FAM124A: variants seen among roughly 807,000 people sequenced by gnomAD.
FAM124A encodes the protein protein FAM124A.
Under a neutral mutation model 24.5 loss-of-function variants are expected in FAM124A, and 23 were observed. The observed-to-expected ratio is 0.94, with a 90% CI of 0.68 to 1.33. FAM124A has a LOEUF of 1.33. Ranked by LOEUF, FAM124A falls within the 40% of genes most tolerant of loss-of-function variation. FAM124A has a pLI of 0.00. For missense variants in FAM124A, 623 were observed against 722.8 expected (o/e 0.86, Z 1.58); for synonymous variants, 287 against 314.7 (o/e 0.91, Z 0.93).
intron 3 of FAM124A, among the ~76,000 whole-genome samples, chr13:51,277,621 T>C (rs1593613252): frequency 6.6e-6 from 1 of 152,242 alleles, no homozygotes; most frequent in South Asian, 2.1e-4. Context: ...GGTGAAACCT[T>C]GTCTCTACTA....
intron 3 of FAM124A, among the ~76,000 whole-genome samples, chr13:51,273,759 T>C (rs1252980561): frequency 1.3e-5 from 2 of 152,250 alleles, no homozygotes; most frequent in Non-Finnish European, 2.9e-5. Context: ...ATGAGATTTT[T>C]AACCTAAGTT....
intron 3 of FAM124A, among the ~76,000 whole-genome samples, chr13:51,279,746 G>C (rs918764508): frequency 4.6e-5 from 7 of 152,204 alleles, no homozygotes; most frequent in African/African-American, 7.2e-5. Flanking sequence ...GGATCCGCAG[G>C]ATCAGTCAGC....
chr13:51,244,854 C>T (rs1954538442), intron 2 of FAM124A, among the ~76,000 whole-genome samples: 1 of 152,228 alleles, frequency 6.6e-6, no homozygotes, highest in Admixed American at 6.5e-5. Flanking sequence ...CCAGCCCATT[C>T]ACAGCAGGCT....
chr13:51,249,228 C>T (rs1954595645), intron 2 of FAM124A, among the ~76,000 whole-genome samples: 1 of 152,196 alleles, frequency 6.6e-6, no homozygotes, highest in South Asian at 2.1e-4. Flanking sequence ...TTTGGTGCCT[C>T]CTCCAGGAAG....
At chr13:51,267,736 A>G (rs762332970) in intron 3 of FAM124A, among the ~76,000 whole-genome samples, 14 of 152,216 alleles carry the variant, frequency 9.2e-5, no homozygotes, top group Non-Finnish European at 1.9e-4. Flanking sequence ...ATAAGGGTTA[A>G]GCTGCCCTTC....
Position 51,280,444 on chromosome 13 carries a change from C to A in FAM124A, c.835-6C>A, listed in dbSNP as rs748152072. ...GCACTAATGTGATCTGCCTCTCCCCCCACAGGCACAAAGGGTGCATAAGAA... is the reference window on the plus strand; with the variant it reads ...GCACTAATGTGATCTGCCTCTCCCCACACAGGCACAAAGGGTGCATAAGAA... On this transcript the variant is annotated splice_polypyrimidine_tract_variant and splice_region_variant and intron_variant, in intron 3 of 3. Coordinates refer to ENST00000322475, the MANE Select transcript of FAM124A (RefSeq NM_001242312.2). The A allele has an allele frequency of 2.5e-6, 4 of 1,581,480 alleles. No homozygotes were observed. Among genetic ancestry groups the A allele is most frequent in the African/African-American group, 2.7e-5 (2 of 74,014 alleles).
chr13:51,240,038 C>T (rs1327029369), intron 2 of FAM124A, among the ~76,000 whole-genome samples: 2 of 152,274 alleles, frequency 1.3e-5, no homozygotes, highest in East Asian at 3.9e-4. Flanking sequence ...CTCCGTCCAG[C>T]CTTTATGGAA....
intron 2 of FAM124A, among the ~76,000 whole-genome samples, chr13:51,238,217 G>A (rs1364172032): frequency 6.6e-6 from 1 of 152,228 alleles, no homozygotes; most frequent in Non-Finnish European, 1.5e-5. Flanking sequence ...GCCTGGTAGA[G>A]CGTATAAAAT....
intron 3 of FAM124A, among the ~76,000 whole-genome samples, chr13:51,267,799 C>A (rs1376482146): frequency 6.6e-6 from 1 of 152,144 alleles, no homozygotes; most frequent in African/African-American, 2.4e-5. Context: ...GAAGTGTTGC[C>A]TTTTCAGTAC....
At chr13:51,268,387 A>G (rs1263984579) in intron 3 of FAM124A, among the ~76,000 whole-genome samples, 1 of 152,232 alleles carries the variant, frequency 6.6e-6, no homozygotes, top group Non-Finnish European at 1.5e-5. Context: ...AAACTCTCTT[A>G]ATGTCATATT....
At chr13:51,275,312 A>G (rs1196998556) in intron 3 of FAM124A, among the ~76,000 whole-genome samples, 1 of 152,176 alleles carries the variant, frequency 6.6e-6, no homozygotes, top group Non-Finnish European at 1.5e-5. Context: ...CAGGAGTTTG[A>G]GGCTGCAATA....
chr13:51,245,443 C>T (rs1440759962), intron 2 of FAM124A: 8 of 612,864 alleles, frequency 1.3e-5, no homozygotes, highest in Non-Finnish European at 2.3e-5. Flanking sequence ...ATTGGCGCAG[C>T]TTCCGGCATT....
chr13:51,255,756 G>A (rs143861326), intron 3 of FAM124A, among the ~76,000 whole-genome samples: 70 of 152,248 alleles, frequency 4.6e-4, no homozygotes, highest in Non-Finnish European at 8.2e-4. Context: ...CCAGCCAGAT[G>A]TAGTTCAGAA....
At position 51,251,092 on chromosome 13, in the gene FAM124A, T is replaced by G. The variant is rs1215670127; in HGVS notation, c.101-376T>G. Reference sequence around the variant, plus strand: ...ATACTAAATGGTGTCCACAAGATGCTATGCCATCTTTTCTAATGGGCCTGT... The same window carrying G: ...ATACTAAATGGTGTCCACAAGATGCGATGCCATCTTTTCTAATGGGCCTGT... On this transcript the variant is annotated intron_variant, in intron 2 of 3. Transcript: ENST00000322475. This position sits in a 1 kb window ranked among gnomAD's most constrained non-coding sequence, Gnocchi z 5.3. Among the ~76,000 whole-genome samples, 1 of 152,268 alleles carries G rather than the reference T, an allele frequency of 6.6e-6. No homozygotes were observed. Among genetic ancestry groups the G allele is most frequent in the Non-Finnish European group, 1.5e-5 (1 of 68,054 alleles).
intron 2 of FAM124A, among the ~76,000 whole-genome samples, chr13:51,242,523 C>A (rs1954508883): frequency 6.6e-6 from 1 of 152,174 alleles, no homozygotes; most frequent in African/African-American, 2.4e-5. Context: ...AATTACATAT[C>A]AACCTTCTGG....
At chr13:51,256,772 A>G (rs1466584326) in intron 3 of FAM124A, among the ~76,000 whole-genome samples, 1 of 152,210 alleles carries the variant, frequency 6.6e-6, no homozygotes, top group East Asian at 1.9e-4. Context: ...TTGTGCAACC[A>G]TCACCACCAT....
At chr13:51,263,544 A>G (rs926598271) in intron 3 of FAM124A, among the ~76,000 whole-genome samples, 1 of 152,224 alleles carries the variant, frequency 6.6e-6, no homozygotes, top group African/African-American at 2.4e-5. Context: ...CATGAGCTTC[A>G]GACTCAGTGC....
chr13:51,242,811 A>G (rs971664146), intron 2 of FAM124A, among the ~76,000 whole-genome samples: 1 of 152,180 alleles, frequency 6.6e-6, no homozygotes, highest in Non-Finnish European at 1.5e-5. Flanking sequence ...AGGAATATGA[A>G]TTAGACATCC....
intron 2 of FAM124A, among the ~76,000 whole-genome samples, chr13:51,232,118 T>A (rs1954383781): frequency 6.6e-6 from 1 of 152,174 alleles, no homozygotes; most frequent in Non-Finnish European, 1.5e-5. Flanking sequence ...AAGTGGTTAT[T>A]ATATGCAGCA....
Sources: gnomAD v4.1 joint callset for allele counts (sites outside exome capture counted in the v4.1 genomes callset) on GRCh38, gnomAD v4.1.1 for gene constraint, Gnocchi (gnomAD v3.1) non-coding constraint, MANE v1.5 for transcripts, NCBI Gene and HGNC (gene_info 2026-07-23, HGNC 2026-07-21) for gene names.